Variants in SCAPER observed in about 807,000 individuals in gnomAD.
The protein encoded by SCAPER is S-phase cyclin A associated protein in the ER, also known as S phase cyclin A-associated protein in the endoplasmic reticulum.
SCAPER carries 98 observed loss-of-function variants against 182.2 expected under a neutral mutation model. The ratio of observed to expected loss-of-function variants is 0.54; its 90% CI spans 0.46 to 0.64. SCAPER has a LOEUF of 0.64. Ranked by LOEUF, SCAPER falls within the 30% of genes least tolerant of loss-of-function variation. The pLI is 0.00. For missense variants in SCAPER, 1,432 were observed against 1,690.0 expected, an observed-to-expected ratio of 0.85 and a Z score of 2.68; for synonymous variants, 605 against 564.6, an observed-to-expected ratio of 1.07 and a Z score of -1.01.
At chr15:76,607,658 C>G (rs1489211383) in intron 22 of SCAPER, among the ~76,000 whole-genome samples, 1 of 152,204 alleles carries the variant, frequency 6.6e-6, no homozygotes, top group Admixed American at 6.5e-5. Context: ...GTACACCAAT[C>G]AGACGCAGAT....
intron 21 of SCAPER, among the ~76,000 whole-genome samples, chr15:76,664,332 A>G (rs2146742302): frequency 6.6e-6 from 1 of 152,326 alleles, no homozygotes; most frequent in South Asian, 2.1e-4. Context: ...AATTCTGAAT[A>G]TATTTTTAAA....
chr15:76,365,686 G>A (rs1015895992), intron 29 of SCAPER, among the ~76,000 whole-genome samples: 2 of 152,034 alleles, frequency 1.3e-5, no homozygotes, highest in Non-Finnish European at 2.9e-5. Flanking sequence ...TGCATTATCT[G>A]TGTCTCTTTT....
At chr15:76,383,957 T>C (rs544316863) in intron 27 of SCAPER, among the ~76,000 whole-genome samples, 33 of 152,352 alleles carry the variant, frequency 2.2e-4, no homozygotes, top group African/African-American at 7.7e-4. Flanking sequence ...ATGATATTTA[T>C]TTGCTTATAG....
At chr15:76,699,353 G>A (rs1233115022) in intron 20 of SCAPER, among the ~76,000 whole-genome samples, 1 of 152,164 alleles carries the variant, frequency 6.6e-6, no homozygotes, top group Non-Finnish European at 1.5e-5. Context: ...TTCTCAAGGG[G>A]AATGCTTCTA....
At chr15:76,678,365 T>A (rs1379486173) in intron 20 of SCAPER, among the ~76,000 whole-genome samples, 3 of 152,034 alleles carry the variant, frequency 2.0e-5, no homozygotes, top group African/African-American at 7.2e-5. Context: ...CTACATTTTA[T>A]CAACTTTGGA....
At chr15:76,627,169 T>G (rs2052659321) in intron 21 of SCAPER, among the ~76,000 whole-genome samples, 1 of 152,210 alleles carries the variant, frequency 6.6e-6, no homozygotes, top group Non-Finnish European at 1.5e-5. Flanking sequence ...ATGTGGGATA[T>G]ATGTATGCTC....
chr15:76,754,591 G>A (rs1333835152), intron 14 of SCAPER, among the ~76,000 whole-genome samples: 2 of 152,006 alleles, frequency 1.3e-5, no homozygotes, highest in African/African-American at 4.8e-5. Flanking sequence ...TCAAACAGAA[G>A]AAGCAAAAGC....
At chr15:76,447,748 T>C (rs1016978970) in intron 25 of SCAPER, among the ~76,000 whole-genome samples, 4 of 152,224 alleles carry the variant, frequency 2.6e-5, no homozygotes, top group Admixed American at 6.5e-5. Context: ...CTTTCATTCA[T>C]TGAACATTTT....
intron 23 of SCAPER, among the ~76,000 whole-genome samples, chr15:76,550,235 T>C (rs1431029632): frequency 6.6e-6 from 1 of 152,186 alleles, no homozygotes; most frequent in Admixed American, 6.5e-5. Flanking sequence ...GTGCAGGACA[T>C]GTAGGTCTGT....
At chr15:76,409,219 T>G (rs2045095672) in intron 26 of SCAPER, among the ~76,000 whole-genome samples, 1 of 152,318 alleles carries the variant, frequency 6.6e-6, no homozygotes, top group Non-Finnish European at 1.5e-5. Flanking sequence ...AACTTTCTAA[T>G]GAACACTGGG....
At chr15:76,418,764 C>T (rs988968289) in intron 26 of SCAPER, among the ~76,000 whole-genome samples, 1 of 152,238 alleles carries the variant, frequency 6.6e-6, no homozygotes, top group African/African-American at 2.4e-5. Context: ...GGTGAAGCCA[C>T]CAAACAGCTG....
chr15:76,767,148 A>G (rs779634099), intron 10 of SCAPER, 60 bp from the exon 11 acceptor site: 117 of 1,407,346 alleles, frequency 8.3e-5, no homozygotes, highest in Non-Finnish European at 1.1e-4. Flanking sequence ...GAAAGTAATC[A>G]TTTTTTATGT....
intron 20 of SCAPER, among the ~76,000 whole-genome samples, chr15:76,672,792 T>G (rs1201386880): frequency 6.6e-6 from 1 of 152,070 alleles, no homozygotes; most frequent in Non-Finnish European, 1.5e-5. Context: ...CCAATAAAAC[T>G]TTCAAGAATA....
At chr15:76,673,691 T>A (rs2057181460) in intron 20 of SCAPER, among the ~76,000 whole-genome samples, 1 of 152,136 alleles carries the variant, frequency 6.6e-6, no homozygotes, top group Non-Finnish European at 1.5e-5. Context: ...CATCTCTGAT[T>A]ATGGTCTTGA....
intron 7 of SCAPER, chr15:76,797,569 G>A (rs1468805496): frequency 1.3e-5 from 2 of 152,172 alleles, no homozygotes. Flanking sequence ...TCTAAGAAAG[G>A]AGGAACTGAC....
chr15:76,585,084 TG>T (rs1359749277), intron 22 of SCAPER, among the ~76,000 whole-genome samples: 1 of 152,198 alleles, frequency 6.6e-6, no homozygotes, highest in Non-Finnish European at 1.5e-5. Flanking sequence ...ACTTGAATTC[TG>T]GCTCCAGCAC....
At chr15:76,682,615 G>A (rs972622710) in intron 20 of SCAPER, among the ~76,000 whole-genome samples, 4 of 152,132 alleles carry the variant, frequency 2.6e-5, no homozygotes, top group Non-Finnish European at 5.9e-5. Flanking sequence ...TAGATCCCAA[G>A]GCACCACCTC....
intron 23 of SCAPER, 96 bp downstream of exon 23, chr15:76,574,062 A>C: frequency 8.8e-7 from 1 of 1,137,674 alleles, no homozygotes; most frequent in Non-Finnish European, 1.1e-6. Context: ...CACAGAAGAA[A>C]GGTATATACT....
chr15:76,426,191 G>A (rs1466049358), intron 26 of SCAPER, among the ~76,000 whole-genome samples: 1 of 152,162 alleles, frequency 6.6e-6, no homozygotes, highest in African/African-American at 2.4e-5. Flanking sequence ...CTTTTGTTTG[G>A]CTGTGCCCTG....
Sources: allele counts gnomAD v4.1 joint callset (sites outside exome capture counted in the v4.1 genomes callset), GRCh38; gene constraint gnomAD v4.1.1; transcripts MANE v1.5; gene names NCBI Gene and HGNC (gene_info 2026-07-23, HGNC 2026-07-21).